The following ARPC1B variants were observed in gnomAD, a reference collection of about 807,000 sequenced individuals.
The protein encoded by ARPC1B is actin-related protein 2/3 complex subunit 1B.
Under a neutral mutation model 46.0 loss-of-function variants are expected in ARPC1B, and 29 were observed. That is an observed-to-expected ratio of 0.63 (90% CI 0.47 to 0.86). The LOEUF (loss-of-function observed/expected upper bound fraction) is 0.86. Ranked by LOEUF, ARPC1B falls within the 40% of genes least tolerant of loss-of-function variation. The probability of loss-of-function intolerance (pLI) is 0.00; values close to 1 mark genes in which losing one functional copy is unlikely to be tolerated. For missense variants in ARPC1B, 469 were observed against 529.4 expected (o/e 0.89, Z 1.12); for synonymous variants, 201 against 213.9 (o/e 0.94, Z 0.53).
chr7:99,385,936 G>A (rs1332273139), intron 2 of ARPC1B, among the ~76,000 whole-genome samples, 158 bp downstream of exon 2: 1 of 152,144 alleles, frequency 6.6e-6, no homozygotes, highest in East Asian at 1.9e-4. Context: ...AGCTGACCAG[G>A]GGCCTCCTGG....
At chr7:99,388,309 G>A (rs1794461556) in intron 4 of ARPC1B, 48 bp downstream of exon 4, 17 of 1,573,620 alleles carry the variant, frequency 1.1e-5, no homozygotes, top group Non-Finnish European at 1.4e-5. Context: ...ACCGGGGGCA[G>A]GACTAGAGTG....
intron 1 of ARPC1B, among the ~76,000 whole-genome samples, chr7:99,382,465 G>C (rs1794258912): frequency 6.7e-6 from 1 of 150,150 alleles, no homozygotes; most frequent in Admixed American, 6.7e-5. Context: ...TATCCAGAAA[G>C]TGCTGGATGG....
Position 99,391,015 on chromosome 7 carries a change from T to C in ARPC1B, c.623T>C (p.Val208Ala). The stretch of plus-strand genomic sequence containing the variant: ...AGTAGCTGCGGCTGGGTACATGGCG[T>C]CTGTTTCTCAGCCAGCGGGAGCCGC... Reference protein sequence around the residue: ...SSSSCGWVHGVCFSASGSRVA... With the variant: ...SSSSCGWVHGACFSASGSRVA... The change falls in exon 6 of 10, where the codon GTC becomes GCC. Residue 208 changes from valine to alanine, a missense_variant. Coordinates refer to ENST00000646101, the MANE Select transcript of ARPC1B (RefSeq NM_005720.4). 7 of 1,613,926 alleles carry C rather than the reference T, an allele frequency of 4.3e-6. No homozygotes were observed. The highest frequency in any genetic ancestry group is 5.9e-6 in the Non-Finnish European group (7 of 1,180,010).
chr7:99,381,487 G>A (rs1162902748), intron 1 of ARPC1B, among the ~76,000 whole-genome samples: 1 of 152,136 alleles, frequency 6.6e-6, no homozygotes, highest in Non-Finnish European at 1.5e-5. Flanking sequence ...GTTTGTGTGC[G>A]TGGCCTGACC....
chr7:99,379,401 G>C (rs955382112), intron 1 of ARPC1B, among the ~76,000 whole-genome samples: 2 of 152,158 alleles, frequency 1.3e-5, no homozygotes, highest in African/African-American at 4.8e-5. Context: ...TTGAGTAACC[G>C]CTTAGCACGG....
Position 99,394,777 on chromosome 7 carries a change from T to G in ARPC1B, c.*288T>G, listed in dbSNP as rs1212198833. Reference sequence around the variant, plus strand: ...ATGTGGAGGTAATAAAATGCAACTGTGTAAAAAAAAAAAAAAAAAAAAAAG... The same window carrying G: ...ATGTGGAGGTAATAAAATGCAACTGGGTAAAAAAAAAAAAAAAAAAAAAAG... On this transcript the variant is annotated 3_prime_UTR_variant, in exon 10 of 10. Coordinates refer to ENST00000646101, the MANE Select transcript of ARPC1B (RefSeq NM_005720.4). 108 of 1,131,882 alleles carry G rather than the reference T, an allele frequency of 9.5e-5. No homozygotes were observed. The highest frequency in any genetic ancestry group is 1.1e-4 in the Non-Finnish European group (106 of 940,090). The allele number at this position is 1,131,882 out of a possible 1,614,324, so 70.1% of individuals were successfully genotyped here.
At chr7:99,381,025 T>TGCACA (rs1307979200) in intron 1 of ARPC1B, among the ~76,000 whole-genome samples, 1 of 152,202 alleles carries the variant, frequency 6.6e-6, no homozygotes, top group Admixed American at 6.5e-5. Flanking sequence ...AGCTTCTCTC[T>TGCACA]GCACAGTGCT....
intron 3 of ARPC1B, among the ~76,000 whole-genome samples, chr7:99,387,574 C>T (rs975719645): frequency 1.3e-5 from 2 of 152,028 alleles, no homozygotes; most frequent in Admixed American, 1.3e-4. Flanking sequence ...CTCATCTCTA[C>T]TAAAATACAA....
At chr7:99,391,805 A>G (rs1794580411) in intron 7 of ARPC1B, among the ~76,000 whole-genome samples, 1 of 151,764 alleles carries the variant, frequency 6.6e-6, no homozygotes, top group African/African-American at 2.4e-5. Flanking sequence ...TAATCCCAGC[A>G]ATTTGGGAGG....
chr7:99,388,301 CG>C, intron 4 of ARPC1B, 40 bp downstream of exon 4: 1 of 1,598,860 alleles, frequency 6.3e-7, no homozygotes, highest in Non-Finnish European at 8.6e-7. Context: ...TGTTAGGGAC[CG>C]GGGGCAGGAC....
In ARPC1B at chr7:99,391,222, C is replaced by G; in HGVS notation, c.752C>G (p.Thr251Ser). 6.2e-7 allele frequency: 1 copy of G among 1,614,142 alleles called. No homozygotes were observed. Among genetic ancestry groups the G allele is most frequent in the Non-Finnish European group, 8.5e-7 (1 of 1,180,012 alleles). Reference sequence around the variant, plus strand: ...GAAACACTACCACTGCTGGCGCTGACCTTCATCACAGACAACAGCCTGGTG... The same window carrying G: ...GAAACACTACCACTGCTGGCGCTGAGCTTCATCACAGACAACAGCCTGGTG... ...ASETLPLLALTFITDNSLVAA... is the reference protein window; with the variant it reads ...ASETLPLLALSFITDNSLVAA... Residue 251 changes from threonine (T) to serine (S), a missense_variant, in exon 7 of 10, where the codon ACC (threonine) becomes AGC (serine). Physicochemically the swap from Thr to Ser is moderately conservative, Grantham distance 58. Transcript: ENST00000646101.
At position 99,385,757 on chromosome 7, in the gene ARPC1B, G is replaced by A. The variant is rs1400021045; in HGVS notation, c.43G>A (p.Ala15Thr). 10 of 1,610,766 alleles carry A rather than the reference G, an allele frequency of 6.2e-6. No individual in the cohort carries two copies. The highest frequency in any genetic ancestry group is 1.7e-5 in the Admixed American group (1 of 59,658). The change falls in exon 2 of 10, where the codon GCC (alanine) becomes ACC (threonine). Residue 15 changes from alanine (A) to threonine (T), a missense_variant. Physicochemically the swap from Ala to Thr is moderately conservative, Grantham distance 58. Transcript: ENST00000646101. ...CCTGGTGGAGCCCATCAGCTGCCAC[G>A]CCTGGAACAAGGACCGCACCCGTGA... ...SFLVEPISCH[A>T]WNKDRTQIAI...
In ARPC1B at chr7:99,394,569, T is replaced by TA. The variant is rs1408101397; in HGVS notation, c.*80_*81insA. ...TCAGGGAGGCTAATGGTTGCTTTGC[T>TA]GAATGTTTCTGGGGTACCAATACGA... On this transcript the variant is annotated 3_prime_UTR_variant, in exon 10 of 10. Transcript: ENST00000646101. The TA allele has an allele frequency of 1.2e-6, 2 of 1,607,584 alleles. No homozygotes were observed. Among genetic ancestry groups the TA allele is most frequent in the African/African-American group, 2.7e-5 (2 of 74,790 alleles).
intron 4 of ARPC1B, chr7:99,389,117 A>C (rs1794493023): frequency 6.6e-6 from 1 of 151,070 alleles, no homozygotes; most frequent in Non-Finnish European, 1.5e-5. Context: ...TGTATTTTTT[A>C]GTAGAGATGG....
intron 4 of ARPC1B, 146 bp downstream of exon 4, chr7:99,388,407 G>A: frequency 1.3e-6 from 1 of 775,970 alleles, no homozygotes. Context: ...CCTCATTCAT[G>A]AGGCAAGGGC....
At chr7:99,387,122 CTAAA>C (rs1165881618) in intron 3 of ARPC1B, among the ~76,000 whole-genome samples, 5 of 152,192 alleles carry the variant, frequency 3.3e-5, no homozygotes, top group Non-Finnish European at 5.9e-5. Context: ...TGGTGTCACT[CTAAA>C]TAAGCACTGG....
At chr7:99,390,321 C>G (rs1794530555) in intron 5 of ARPC1B, among the ~76,000 whole-genome samples, 1 of 152,016 alleles carries the variant, frequency 6.6e-6, no homozygotes, top group Admixed American at 6.6e-5. Context: ...AAGCGATCCT[C>G]TTGCTTCTCA....
At chr7:99,374,663 C>G (rs974255273), upstream of ARPC1B, 2 of 152,034 alleles carry the variant, frequency 1.3e-5, no homozygotes, top group Non-Finnish European at 2.9e-5. The surrounding 1 kb of genome is among the most constrained non-coding windows in gnomAD (Gnocchi z 5.0). Flanking sequence ...CGGGCCCTAC[C>G]GGGCTGAGGT....
intron 3 of ARPC1B, 56 bp from the exon 4 acceptor site, chr7:99,387,983 C>G: frequency 2.4e-6 from 3 of 1,227,976 alleles, no homozygotes; most frequent in Non-Finnish European, 3.6e-6. Context: ...GGCCACCATA[C>G]AGCCACCTCT....
Sources: allele counts gnomAD v4.1 joint callset (sites outside exome capture counted in the v4.1 genomes callset), GRCh38; gene constraint gnomAD v4.1.1; non-coding constraint Gnocchi (gnomAD v3.1); transcripts MANE v1.5; gene names NCBI Gene and HGNC (gene_info 2026-07-23, HGNC 2026-07-21).